Variants in ITGA9 observed in about 807,000 individuals in gnomAD.
ITGA9 encodes the protein integrin alpha-9.
In ITGA9, 56 loss-of-function variants were observed where a neutral mutation model predicts 127.8. The observed-to-expected ratio is 0.44, with a 90% confidence interval of 0.35 to 0.55. The LOEUF (loss-of-function observed/expected upper bound fraction) is 0.55, where lower values mean the gene tolerates loss of function less well. Among genes scored for constraint, ITGA9 ranks in the 20% least tolerant of loss-of-function variants. ITGA9 has a pLI of 0.00. For synonymous variants in ITGA9, 508 were observed against 514.5 expected, an observed-to-expected ratio of 0.99 and a Z score of 0.17; for missense variants, 1,196 against 1,347.1, an observed-to-expected ratio of 0.89 and a Z score of 1.76.
intron 1 of ITGA9, among the ~76,000 whole-genome samples, chr3:37,466,823 A>G (rs1698378682): frequency 6.6e-6 from 1 of 152,220 alleles, no homozygotes; most frequent in Non-Finnish European, 1.5e-5. Flanking sequence ...TGTTGATGGC[A>G]GCCTGTTGGT....
intron 8 of ITGA9, among the ~76,000 whole-genome samples, chr3:37,511,002 A>G (rs1698899301): frequency 6.6e-6 from 1 of 152,120 alleles, no homozygotes; most frequent in South Asian, 2.1e-4. Context: ...ATTACCTCCT[A>G]CAAAAGGACA....
At chr3:37,602,050 TAGAGAATGGCACCAAGCCATTCACAATGG>T (rs879394102) in intron 15 of ITGA9, among the ~76,000 whole-genome samples, 47 of 152,086 alleles carry the variant, frequency 3.1e-4, no homozygotes, top group Non-Finnish European at 5.7e-4. Context: ...ACTCACTACC[TAGAGAATGGCACCAAGCCATTCACAATGG>T]ATCCGTCCCC....
intron 17 of ITGA9, among the ~76,000 whole-genome samples, chr3:37,660,824 GT>G (rs1270936801): frequency 6.6e-6 from 1 of 152,194 alleles, no homozygotes; most frequent in Non-Finnish European, 1.5e-5. Flanking sequence ...CAGAGGGTAG[GT>G]TCTAGGCTTG....
At chr3:37,705,716 C>T (rs1392024164) in intron 18 of ITGA9, among the ~76,000 whole-genome samples, 1 of 152,200 alleles carries the variant, frequency 6.6e-6, no homozygotes, top group Admixed American at 6.5e-5. Context: ...GTTTCTTTGA[C>T]TTGGCTGGAA....
intron 18 of ITGA9, among the ~76,000 whole-genome samples, chr3:37,724,925 G>A (rs1423291040): frequency 6.6e-6 from 1 of 152,034 alleles, no homozygotes; most frequent in Admixed American, 6.5e-5. Context: ...CCTTTCAGAG[G>A]GAAACTTTGA....
intron 23 of ITGA9, among the ~76,000 whole-genome samples, chr3:37,771,170 G>C (rs1376346807): frequency 6.6e-6 from 1 of 152,186 alleles, no homozygotes; most frequent in Non-Finnish European, 1.5e-5. Context: ...GGGCAGAGAA[G>C]AGCAAGGGGG....
At chr3:37,697,889 A>G (rs886548412) in intron 18 of ITGA9, among the ~76,000 whole-genome samples, 9 of 152,232 alleles carry the variant, frequency 5.9e-5, no homozygotes, top group Non-Finnish European at 2.9e-5. Context: ...TTCTAGTTCT[A>G]GATCCTTGAG....
chr3:37,554,789 G>C (rs1699414000), intron 15 of ITGA9, among the ~76,000 whole-genome samples: 1 of 152,200 alleles, frequency 6.6e-6, no homozygotes, highest in Non-Finnish European at 1.5e-5. Flanking sequence ...TAAAAGGATG[G>C]AGTTGTCACT....
intron 15 of ITGA9, among the ~76,000 whole-genome samples, chr3:37,608,544 A>C (rs1232727579): frequency 5.3e-5 from 8 of 152,220 alleles, no homozygotes; most frequent in African/African-American, 1.9e-4. Flanking sequence ...GAATCATTTT[A>C]AACAGGTTTG....
At chr3:37,726,237 G>A (rs748843875) in intron 18 of ITGA9, among the ~76,000 whole-genome samples, 2 of 152,334 alleles carry the variant, frequency 1.3e-5, no homozygotes, top group African/African-American at 2.4e-5. Flanking sequence ...CAAGGGTCAC[G>A]CTTGTTGTGT....
At chr3:37,740,664 C>T (rs1240209178) in intron 20 of ITGA9, among the ~76,000 whole-genome samples, 1 of 152,248 alleles carries the variant, frequency 6.6e-6, no homozygotes, top group Non-Finnish European at 1.5e-5. Context: ...GGTGGGTGCT[C>T]CATCTCCCTC....
At chr3:37,534,479 G>C (rs182070) in intron 14 of ITGA9, among the ~76,000 whole-genome samples, 86,958 of 152,106 alleles carry the variant, frequency 0.57, 25,361 homozygotes, top group East Asian at 0.81. Context: ...AAGCACTGCT[G>C]TGGAGCACAC....
At chr3:37,792,554 C>T (rs1370453878) in intron 26 of ITGA9, among the ~76,000 whole-genome samples, 3 of 152,120 alleles carry the variant, frequency 2.0e-5, no homozygotes, top group Non-Finnish European at 2.9e-5. Context: ...CTTCAAGGCA[C>T]TGAAAGACCA....
intron 23 of ITGA9, among the ~76,000 whole-genome samples, chr3:37,767,048 T>G (rs1287963959): frequency 6.6e-6 from 1 of 152,202 alleles, no homozygotes; most frequent in Non-Finnish European, 1.5e-5. Flanking sequence ...CTGGTGGTGG[T>G]GGCCTGCACT....
At chr3:37,573,579 A>G (rs929963535) in intron 15 of ITGA9, among the ~76,000 whole-genome samples, 1 of 152,140 alleles carries the variant, frequency 6.6e-6, no homozygotes. Context: ...CAGAACACCT[A>G]CGTGTGGCCT....
chr3:37,739,356 A>G (rs1341670281), intron 20 of ITGA9, among the ~76,000 whole-genome samples: 2 of 152,250 alleles, frequency 1.3e-5, no homozygotes. Flanking sequence ...AGCACACACC[A>G]GAATATTTCA....
In ITGA9 at chr3:37,789,605, C is replaced by CA. The variant is rs71288090; in HGVS notation, c.2889+4541dup. Among the ~76,000 whole-genome samples the CA allele has an allele frequency of 1.1e-3, 158 of 140,738 alleles. 2 individuals carry two copies. Among genetic ancestry groups the CA allele is most frequent in the East Asian group, 3.8e-3 (18 of 4,750 alleles). 92.3% of individuals were successfully genotyped at this position (140,738 alleles called of 152,430 possible). ...TAACCCTGTCTCTACTAAAAAATAC[C>CA]AAAAAAAAAAAAAATGAGCTGGGTG... On this transcript the variant is annotated intron_variant, in intron 26 of 27. Transcript: ENST00000264741.
chr3:37,775,562 C>T (rs990083140), intron 23 of ITGA9, among the ~76,000 whole-genome samples: 2 of 150,810 alleles, frequency 1.3e-5, no homozygotes, highest in African/African-American at 2.4e-5. Flanking sequence ...AGGAGAATGG[C>T]TTGAACCCAG....
Position 37,768,596 on chromosome 3 carries a change from C to T in ITGA9, c.2542-8796C>T, listed in dbSNP as rs139515867. On this transcript the variant is annotated intron_variant, in intron 23 of 27. Coordinates refer to ENST00000264741, the MANE Select transcript of ITGA9 (RefSeq NM_002207.3). ...AAGTCAGGGGGTGGGTCATGTTTAC[C>T]CGGTTGCCGTCAGCTGCGATTGGTG... 3.4e-4 allele frequency among the ~76,000 whole-genome samples: 52 copies of T among 152,200 alleles called. No homozygotes were observed. The East Asian group carries it at 9.5e-3, about 28-fold the overall frequency.
Sources: allele counts gnomAD v4.1 joint callset (sites outside exome capture counted in the v4.1 genomes callset), GRCh38; gene constraint gnomAD v4.1.1; transcripts MANE v1.5; gene names NCBI Gene and HGNC (gene_info 2026-07-23, HGNC 2026-07-21).